HSPBAP1: variants seen among roughly 807,000 people sequenced by gnomAD.
HSPBAP1 encodes the protein HSPB1 associated protein 1.
In HSPBAP1, 27 loss-of-function variants were observed where a neutral mutation model predicts 45.2. The observed-to-expected ratio is 0.60, with a 90% CI of 0.44 to 0.82. The LOEUF (loss-of-function observed/expected upper bound fraction) is 0.82. Ranked by LOEUF, HSPBAP1 falls within the 40% of genes least tolerant of loss-of-function variation. HSPBAP1 has a pLI of 0.00. For missense variants in HSPBAP1, 510 were observed against 590.9 expected (o/e 0.86, Z 1.42); for synonymous variants, 204 against 202.7 (o/e 1.01, Z -0.06).
intron 2 of HSPBAP1, among the ~76,000 whole-genome samples, chr3:122,772,129 AAAAACTAT>A (rs1935024366): frequency 2.0e-5 from 3 of 152,254 alleles, no homozygotes; most frequent in Admixed American, 1.3e-4. Flanking sequence ...AGACCTATAT[AAAAACTAT>A]AAATCATTTT....
rs1407639506 is a variant in HSPBAP1 at position 122,747,487 on chromosome 3, G to A, written c.825+5104C>T. Among the ~76,000 whole-genome samples, 675 of 148,210 alleles carry A rather than the reference G, an allele frequency of 4.6e-3. 4 individuals carry two copies. The highest frequency in any genetic ancestry group is 3.8e-3 in the Non-Finnish European group (252 of 66,376). Reference sequence around the variant, plus strand: ...AGCCGCCCTGTCTGGGAGGGAGGTCGGGGGGGTCAGCCCCCCTCCCGGCCA... The same window carrying A: ...AGCCGCCCTGTCTGGGAGGGAGGTCAGGGGGGTCAGCCCCCCTCCCGGCCA... On this transcript the variant is annotated intron_variant, in intron 6 of 7. Transcript: ENST00000306103.
chr3:122,765,397 A>ATG (rs1934741438), intron 3 of HSPBAP1, among the ~76,000 whole-genome samples: 1 of 152,128 alleles, frequency 6.6e-6, no homozygotes, highest in Non-Finnish European at 1.5e-5. Flanking sequence ...CCTGGCCAAC[A>ATG]TGGTGAAACC....
chr3:122,780,897 CACTCCTCACATCCCAGACGGG>C (rs1254005779), intron 1 of HSPBAP1, among the ~76,000 whole-genome samples: 1,611 of 92,492 alleles, frequency 0.017, 436 homozygotes, highest in Non-Finnish European at 0.026. Context: ...CGGGCAGAGG[CACTCCTCACATCCCAGACGGG>C]GCGGCGGGGC....
At chr3:122,789,985 C>T (rs1319963045) in intron 1 of HSPBAP1, among the ~76,000 whole-genome samples, 1 of 151,966 alleles carries the variant, frequency 6.6e-6, no homozygotes, top group East Asian at 1.9e-4. Flanking sequence ...GCCTCAGCCT[C>T]CCAAGCAGCT....
intron 1 of HSPBAP1, among the ~76,000 whole-genome samples, chr3:122,790,039 T>G (rs1479117348): frequency 6.6e-6 from 1 of 152,106 alleles, no homozygotes; most frequent in Non-Finnish European, 1.5e-5. Context: ...ATTTTCGTAT[T>G]TTCCGTAGAG....
intron 1 of HSPBAP1, among the ~76,000 whole-genome samples, chr3:122,780,820 G>A (rs1480265645): frequency 2.8e-4 from 40 of 144,556 alleles, no homozygotes; most frequent in Non-Finnish European, 5.4e-4. Flanking sequence ...CAGGCAGAGG[G>A]TCTCCTCACT....
At position 122,740,939 on chromosome 3, in the gene HSPBAP1, T is replaced by C. The variant is rs184288088; in HGVS notation, c.936+64A>G. Reference sequence around the variant, plus strand: ...ATTTAGTTACACTGGAAAACATATGTTCTAGTCAGGGCTGGTTTACCACAG... The same window carrying C: ...ATTTAGTTACACTGGAAAACATATGCTCTAGTCAGGGCTGGTTTACCACAG... On this transcript the variant is annotated intron_variant, in intron 7 of 7. Transcript: ENST00000306103. The C allele has an allele frequency of 2.2e-4, 357 of 1,608,544 alleles. No individual in the cohort carries two copies. In the African/African-American group the frequency reaches 4.1e-3, roughly 18 times the overall value.
chr3:122,747,903 G>A (rs966437110), intron 6 of HSPBAP1, among the ~76,000 whole-genome samples: 2 of 152,170 alleles, frequency 1.3e-5, no homozygotes, highest in African/African-American at 2.4e-5. Context: ...CATTGAGAAC[G>A]GGCCATGATG....
chr3:122,757,924 A>T (rs1343748930), intron 4 of HSPBAP1, among the ~76,000 whole-genome samples: 2 of 152,188 alleles, frequency 1.3e-5, no homozygotes, highest in African/African-American at 4.8e-5. Flanking sequence ...AAGGATAGAG[A>T]CCACACTCAT....
intron 6 of HSPBAP1, among the ~76,000 whole-genome samples, chr3:122,745,179 A>G (rs1267379497): frequency 1.4e-5 from 2 of 147,568 alleles, no homozygotes; most frequent in East Asian, 4.0e-4. Flanking sequence ...CTCCACCCCC[A>G]CCCCACAATT....
chr3:122,792,274 G>A (rs1362138978), intron 1 of HSPBAP1, among the ~76,000 whole-genome samples: 1 of 152,154 alleles, frequency 6.6e-6, no homozygotes, highest in Non-Finnish European at 1.5e-5. Flanking sequence ...CAGGCCCACG[G>A]GTGCAGGTAC....
chr3:122,759,201 A>ACC (rs1379111060), intron 4 of HSPBAP1, 23 bp downstream of exon 4: 1 of 1,598,108 alleles, frequency 6.3e-7, no homozygotes, highest in South Asian at 1.1e-5. Context: ...ACACACACAC[A>ACC]CACACACACA....
intron 6 of HSPBAP1, among the ~76,000 whole-genome samples, chr3:122,751,178 C>T (rs566106534): frequency 6.6e-6 from 1 of 152,150 alleles, no homozygotes; most frequent in African/African-American, 2.4e-5. Context: ...GTTTTAGGCA[C>T]TATATATTAA....
chr3:122,771,846 CAAGACCT>C (rs1935011989), intron 2 of HSPBAP1, among the ~76,000 whole-genome samples: 1 of 152,148 alleles, frequency 6.6e-6, no homozygotes, highest in African/African-American at 2.4e-5. Flanking sequence ...AAATTCTAAC[CAAGACCT>C]AAGACCTAAA....
chr3:122,762,946 A>G (rs1934651460), intron 3 of HSPBAP1, among the ~76,000 whole-genome samples: 1 of 152,200 alleles, frequency 6.6e-6, no homozygotes, highest in African/African-American at 2.4e-5. Context: ...CATTATAGAG[A>G]CAGAGGTATT....
chr3:122,750,964 G>C (rs906942236), intron 6 of HSPBAP1, among the ~76,000 whole-genome samples: 2 of 152,140 alleles, frequency 1.3e-5, no homozygotes, highest in African/African-American at 2.4e-5. Context: ...CAGCTTTATA[G>C]GTACAGGATA....
At chr3:122,788,595 T>C (rs1186072196) in intron 1 of HSPBAP1, among the ~76,000 whole-genome samples, 2 of 152,186 alleles carry the variant, frequency 1.3e-5, no homozygotes, top group East Asian at 1.9e-4. Flanking sequence ...ACACGTGCAA[T>C]GGAACGTTAT....
At chr3:122,779,646 A>G (rs1935337963) in intron 1 of HSPBAP1, among the ~76,000 whole-genome samples, 1 of 150,258 alleles carries the variant, frequency 6.7e-6, no homozygotes, top group South Asian at 2.1e-4. Context: ...TAGGCAGAGG[A>G]CCCTGCGGCC....
At chr3:122,780,542 G>A (rs1935405682) in intron 1 of HSPBAP1, among the ~76,000 whole-genome samples, 1 of 138,286 alleles carries the variant, frequency 7.2e-6, no homozygotes, top group South Asian at 2.2e-4. Context: ...CGGGGCGGCT[G>A]GCCGGACGGG....
Sources: gnomAD v4.1 joint callset for allele counts (sites outside exome capture counted in the v4.1 genomes callset) on GRCh38, gnomAD v4.1.1 for gene constraint, MANE v1.5 for transcripts, NCBI Gene and HGNC (gene_info 2026-07-23, HGNC 2026-07-21) for gene names.